EGFLAM: variants seen among roughly 807,000 people sequenced by gnomAD.
EGFLAM encodes pikachurin.
A neutral mutation model predicts 113.1 loss-of-function variants in EGFLAM; 79 were observed. The ratio of observed to expected loss-of-function variants is 0.70; its 90% CI spans 0.58 to 0.84. EGFLAM has a LOEUF of 0.84. Among genes scored for constraint, EGFLAM ranks in the 40% least tolerant of loss-of-function variants. EGFLAM has a pLI of 0.00. For synonymous variants in EGFLAM, 504 were observed against 487.6 expected, an observed-to-expected ratio of 1.03 and a Z score of -0.44; for missense variants, 1,265 against 1,291.6, an observed-to-expected ratio of 0.98 and a Z score of 0.32.
intron 17 of EGFLAM, chr5:38,445,539 G>A: frequency 6.4e-7 from 1 of 1,573,468 alleles, no homozygotes; most frequent in Non-Finnish European, 8.6e-7. Context: ...TTCCCTAAGA[G>A]GACGTTCTGG....
At chr5:38,326,379 C>T (rs998099572) in intron 1 of EGFLAM, among the ~76,000 whole-genome samples, 2 of 152,208 alleles carry the variant, frequency 1.3e-5, no homozygotes, top group African/African-American at 4.8e-5. Flanking sequence ...GTTCTGTGCT[C>T]TTTATAATCA....
At chr5:38,423,345 G>C (rs905254373) in intron 12 of EGFLAM, among the ~76,000 whole-genome samples, 3 of 152,038 alleles carry the variant, frequency 2.0e-5, no homozygotes, top group African/African-American at 7.2e-5. Context: ...TCACTCACCA[G>C]TCTGTTTTGC....
chr5:38,368,383 C>T (rs1167897461), intron 5 of EGFLAM, among the ~76,000 whole-genome samples: 1 of 152,148 alleles, frequency 6.6e-6, no homozygotes, highest in Non-Finnish European at 1.5e-5. Flanking sequence ...GTGAACTGTG[C>T]TTTTCCAAAC....
At chr5:38,447,547 G>C (rs1561099733) in intron 17 of EGFLAM, among the ~76,000 whole-genome samples, 1 of 152,100 alleles carries the variant, frequency 6.6e-6, no homozygotes, top group Non-Finnish European at 1.5e-5. Flanking sequence ...CCTAAGGTCA[G>C]GAGTTCGAGA....
chr5:38,458,358 T>G lies in EGFLAM; in HGVS notation c.2735T>G (p.Phe912Cys), dbSNP rs759776932. ...GVASIMVNGSFNDGRWHRVKA... is the reference protein window; with the variant it reads ...GVASIMVNGSCNDGRWHRVKA... ...GCATCCATCATGGTGAATGGCTCCT[T>G]CAACGATGGTCGGTGGCACCGAGTT... The change falls in exon 20 of 22, where the codon TTC (phenylalanine) becomes TGC (cysteine). Residue 912 changes from phenylalanine to cysteine, a missense_variant. Coordinates refer to ENST00000322350, the MANE Select transcript of EGFLAM (RefSeq NM_152403.4). 5 of 1,614,020 alleles carry G rather than the reference T, an allele frequency of 3.1e-6. No individual in the cohort carries two copies. The highest frequency in any genetic ancestry group is 4.2e-6 in the Non-Finnish European group (5 of 1,180,012).
At chr5:38,445,554 T>G in intron 17 of EGFLAM, 1 of 1,590,188 alleles carries the variant, frequency 6.3e-7, no homozygotes. Context: ...TTCTGGACTC[T>G]CGGGCAGAGC....
At chr5:38,305,831 G>C (rs1758704711) in intron 1 of EGFLAM, among the ~76,000 whole-genome samples, 1 of 152,210 alleles carries the variant, frequency 6.6e-6, no homozygotes, top group Non-Finnish European at 1.5e-5. Flanking sequence ...GAAATGTTCA[G>C]AGGACTTGTC....
chr5:38,367,843 C>T (rs1053229079), intron 5 of EGFLAM, among the ~76,000 whole-genome samples: 1 of 152,182 alleles, frequency 6.6e-6, no homozygotes, highest in African/African-American at 2.4e-5. Flanking sequence ...ATGACAAAAT[C>T]AGAGGCAAAA....
At chr5:38,374,519 G>A (rs991872613) in intron 6 of EGFLAM, among the ~76,000 whole-genome samples, 10 of 152,250 alleles carry the variant, frequency 6.6e-5, no homozygotes, top group African/African-American at 2.4e-4. Context: ...TCTGGGTGGT[G>A]TCAGCCTATC....
intron 12 of EGFLAM, among the ~76,000 whole-genome samples, chr5:38,422,921 C>T (rs931617312): frequency 1.3e-5 from 2 of 152,190 alleles, no homozygotes; most frequent in African/African-American, 4.8e-5. Flanking sequence ...CTTACTCACC[C>T]ATGCTCAGGT....
chr5:38,375,118 A>G (rs1579838173), intron 6 of EGFLAM, among the ~76,000 whole-genome samples: 2 of 70,186 alleles, frequency 2.8e-5, no homozygotes, highest in South Asian at 3.7e-4. Flanking sequence ...CCATTTGTCT[A>G]TTTTTGTTCT....
At chr5:38,280,246 C>A (rs1251535860) in intron 1 of EGFLAM, among the ~76,000 whole-genome samples, 2 of 152,336 alleles carry the variant, frequency 1.3e-5, no homozygotes, top group Non-Finnish European at 2.9e-5. Flanking sequence ...GACTACAAAT[C>A]TTTACCCATA....
intron 1 of EGFLAM, among the ~76,000 whole-genome samples, chr5:38,331,378 A>T (rs1028337910): frequency 3.3e-5 from 5 of 152,178 alleles, no homozygotes; most frequent in Admixed American, 3.3e-4. Context: ...CTGCCCTAAG[A>T]ACCCTCTGAA....
chr5:38,407,132 A>G lies in EGFLAM; in HGVS notation c.1133A>G (p.Glu378Gly), dbSNP rs1170230608. The change falls in exon 8 of 22, where the codon GAG becomes GGG. Residue 378 changes from glutamate to glycine, a missense_variant. Transcript: ENST00000322350. ...CAGTGCACCCTGGGCAAAGGTGGTG[A>G]GAGCTGCTCAGAAGGTAGGCCCTTG... ...RCQCTLGKGG[E>G]SCSEDIVIQY... 6.2e-7 allele frequency: 1 copy of G among 1,612,542 alleles called. No homozygotes were observed. The highest frequency in any genetic ancestry group is 1.1e-5 in the South Asian group (1 of 91,046).
chr5:38,436,335 T>A (rs549777954), intron 16 of EGFLAM, among the ~76,000 whole-genome samples: 1 of 152,294 alleles, frequency 6.6e-6, no homozygotes, highest in East Asian at 1.9e-4. Flanking sequence ...GGATCCTTTT[T>A]GGACCTGAGA....
intron 6 of EGFLAM, among the ~76,000 whole-genome samples, chr5:38,375,097 T>C (rs1034638717): frequency 5.4e-5 from 8 of 148,888 alleles, no homozygotes; most frequent in Admixed American, 4.0e-4. Flanking sequence ...AGAAACTTTT[T>C]AGTTTAAGTC....
chr5:38,456,271 C>T (rs1219665871), intron 19 of EGFLAM, among the ~76,000 whole-genome samples: 1 of 152,128 alleles, frequency 6.6e-6, no homozygotes, highest in East Asian at 1.9e-4. Context: ...AAGCAAGTTG[C>T]CCAAGGTCAC....
intron 10 of EGFLAM, among the ~76,000 whole-genome samples, chr5:38,410,640 A>T (rs967783566): frequency 6.6e-6 from 1 of 152,304 alleles, no homozygotes; most frequent in African/African-American, 2.4e-5. Context: ...AAGGTCCAAG[A>T]TTCCACCTGT....
At chr5:38,438,161 A>AT in intron 16 of EGFLAM, 114 bp from the exon 17 acceptor site, 35 of 1,149,192 alleles carry the variant, frequency 3.0e-5, no homozygotes, top group Admixed American at 7.2e-5. Context: ...GACTTAAAAA[A>AT]ATTTTTTTTC....
Sources: allele counts gnomAD v4.1 joint callset (sites outside exome capture counted in the v4.1 genomes callset), GRCh38; gene constraint gnomAD v4.1.1; transcripts MANE v1.5; gene names NCBI Gene and HGNC (gene_info 2026-07-23, HGNC 2026-07-21).